The following TMEFF2 variants were observed in gnomAD, a reference collection of about 807,000 sequenced individuals.
The protein encoded by TMEFF2 is tomoregulin-2.
A neutral mutation model predicts 53.8 loss-of-function variants in TMEFF2; 28 were observed. The observed-to-expected ratio is 0.52, with a 90% CI of 0.39 to 0.71. The LOEUF (loss-of-function observed/expected upper bound fraction) is 0.71, where lower values mean the gene tolerates loss of function less well. TMEFF2 is among the 30% of genes least tolerant of loss of function. The probability of loss-of-function intolerance (pLI) is 0.00; values close to 1 mark genes in which losing one functional copy is unlikely to be tolerated. For synonymous variants in TMEFF2, 162 were observed against 166.3 expected, an observed-to-expected ratio of 0.97 and a Z score of 0.20; for missense variants, 353 against 455.2, an observed-to-expected ratio of 0.78 and a Z score of 2.04.
chr2:191,979,143 A>G (rs1294869429), intron 7 of TMEFF2, among the ~76,000 whole-genome samples: 1 of 152,226 alleles, frequency 6.6e-6, no homozygotes, highest in Admixed American at 6.5e-5. Flanking sequence ...AATGAAACAA[A>G]TATGAAATAG....
intron 5 of TMEFF2, among the ~76,000 whole-genome samples, chr2:192,013,284 A>G (rs568075630): frequency 9.2e-5 from 14 of 152,126 alleles, no homozygotes; most frequent in African/African-American, 3.4e-4. Flanking sequence ...TGCTCCTCCA[A>G]CATGCCACAT....
intron 4 of TMEFF2, among the ~76,000 whole-genome samples, chr2:192,104,007 A>C (rs1689092583): frequency 6.6e-6 from 1 of 152,092 alleles, no homozygotes; most frequent in South Asian, 2.1e-4. Context: ...AACGCTTTCC[A>C]ACTTTCATTA....
At chr2:192,179,482 G>T (rs1691133180) in intron 4 of TMEFF2, 186 bp downstream of exon 4, 4 of 454,320 alleles carry the variant, frequency 8.8e-6, no homozygotes, top group African/African-American at 2.0e-5. Context: ...TGATTCATAA[G>T]TATGCCAAAT....
chr2:192,036,818 A>G (rs891800656), intron 5 of TMEFF2: 1 of 152,194 alleles, frequency 6.6e-6, no homozygotes, highest in African/African-American at 2.4e-5. Flanking sequence ...GGCTCTCGCT[A>G]TTTGACTAAA....
intron 7 of TMEFF2, among the ~76,000 whole-genome samples, chr2:191,970,400 G>C (rs1692602173): frequency 6.6e-6 from 1 of 151,828 alleles, no homozygotes; most frequent in Admixed American, 6.6e-5. Context: ...ACTGGATGAG[G>C]GTGGGTCCCA....
At chr2:191,996,471 T>C (rs1390384852) in intron 7 of TMEFF2, among the ~76,000 whole-genome samples, 1 of 151,988 alleles carries the variant, frequency 6.6e-6, no homozygotes, top group Non-Finnish European at 1.5e-5. Flanking sequence ...ATAATAATTG[T>C]TTATAAAATA....
intron 5 of TMEFF2, among the ~76,000 whole-genome samples, chr2:192,008,865 A>C (rs1686563045): frequency 6.6e-6 from 1 of 152,172 alleles, no homozygotes; most frequent in Non-Finnish European, 1.5e-5. Context: ...CACTTGACAA[A>C]AGGCTTTTAG....
At chr2:191,997,580 A>G (rs1686253328) in intron 7 of TMEFF2, among the ~76,000 whole-genome samples, 1 of 151,572 alleles carries the variant, frequency 6.6e-6, no homozygotes, top group Non-Finnish European at 1.5e-5. Context: ...CCAAATTTCT[A>G]TAAAATTTAA....
chr2:192,049,143 C>A (rs1398046828), intron 5 of TMEFF2, among the ~76,000 whole-genome samples: 1 of 99,784 alleles, frequency 1.0e-5, no homozygotes, highest in African/African-American at 3.2e-5. Context: ...AAGATAGATA[C>A]ATTTGGTCTA....
chr2:192,030,845 G>T (rs13031552), intron 5 of TMEFF2: 46,611 of 152,012 alleles, frequency 0.31, 7,500 homozygotes, highest in Non-Finnish European at 0.37. Context: ...GGGAACAGAA[G>T]GCAAGCATCA....
At chr2:192,113,614 A>G (rs996748183) in intron 4 of TMEFF2, among the ~76,000 whole-genome samples, 1 of 152,190 alleles carries the variant, frequency 6.6e-6, no homozygotes, top group African/African-American at 2.4e-5. Flanking sequence ...GTTGTTTTAA[A>G]TATATATTCT....
At chr2:192,047,289 T>G (rs2105892193) in intron 5 of TMEFF2, among the ~76,000 whole-genome samples, 1 of 152,328 alleles carries the variant, frequency 6.6e-6, no homozygotes, top group East Asian at 1.9e-4. Context: ...ATATTTTATT[T>G]TATTTCTTAT....
intron 1 of TMEFF2, among the ~76,000 whole-genome samples, chr2:192,193,697 G>A (rs1219879062): frequency 6.6e-6 from 1 of 151,278 alleles, no homozygotes; most frequent in East Asian, 1.9e-4. Context: ...TATCTGGACT[G>A]CAAAACCAAT....
chr2:192,006,549 C>G (rs1259926369), intron 5 of TMEFF2, among the ~76,000 whole-genome samples: 1 of 152,150 alleles, frequency 6.6e-6, no homozygotes, highest in African/African-American at 2.4e-5. Context: ...TATTTACTAG[C>G]TGGATGGCAC....
At chr2:192,027,271 A>T (rs979837720) in intron 5 of TMEFF2, among the ~76,000 whole-genome samples, 3 of 152,210 alleles carry the variant, frequency 2.0e-5, no homozygotes, top group Non-Finnish European at 4.4e-5. Flanking sequence ...ACGAAGACTG[A>T]TTACCAGAAT....
At chr2:192,175,232 A>AT (rs1309330183) in intron 4 of TMEFF2, among the ~76,000 whole-genome samples, 3 of 151,600 alleles carry the variant, frequency 2.0e-5, no homozygotes, top group Non-Finnish European at 4.4e-5. Context: ...AAAGACAAGG[A>AT]TTTTTTTAAA....
intron 4 of TMEFF2, among the ~76,000 whole-genome samples, chr2:192,164,536 T>C (rs896771574): frequency 2.0e-5 from 3 of 152,114 alleles, no homozygotes; most frequent in Non-Finnish European, 4.4e-5. Flanking sequence ...AAGACCATCC[T>C]GGCCAACATA....
chr2:192,030,405 T>C (rs1001541013), intron 5 of TMEFF2: 3 of 152,120 alleles, frequency 2.0e-5, no homozygotes, highest in Admixed American at 6.6e-5. Flanking sequence ...GTGTAAGCTT[T>C]CATTGATACA....
At chr2:192,177,209 C>T (rs950554377) in intron 4 of TMEFF2, 1 of 151,100 alleles carries the variant, frequency 6.6e-6, no homozygotes, top group Non-Finnish European at 1.5e-5. Flanking sequence ...TGATTCTGCC[C>T]TCTCAAAACC....
Sources: allele counts gnomAD v4.1 joint callset (sites outside exome capture counted in the v4.1 genomes callset), GRCh38; gene constraint gnomAD v4.1.1; transcripts MANE v1.5; gene names NCBI Gene and HGNC (gene_info 2026-07-23, HGNC 2026-07-21).